Variants in TANC2 observed in about 807,000 individuals in gnomAD.
TANC2 encodes protein TANC2.
In TANC2, 26 loss-of-function variants were observed where a neutral mutation model predicts 210.5. The observed-to-expected ratio is 0.12, with a 90% CI of 0.09 to 0.17. The LOEUF is 0.17. Among genes scored for constraint, TANC2 ranks in the 10% least tolerant of loss-of-function variants. The probability of loss-of-function intolerance (pLI) is 1.00; values close to 1 mark genes in which losing one functional copy is unlikely to be tolerated. For missense variants in TANC2, 2,129 were observed against 2,608.9 expected, an observed-to-expected ratio of 0.82 and a Z score of 4.01; for synonymous variants, 931 against 967.1, an observed-to-expected ratio of 0.96 and a Z score of 0.69.
chr17:63,028,348 A>T (rs2034636318), intron 2 of TANC2, among the ~76,000 whole-genome samples: 2 of 152,120 alleles, frequency 1.3e-5, no homozygotes, highest in South Asian at 4.1e-4. Flanking sequence ...AATTAAATTG[A>T]CATAAGACAG....
intron 4 of TANC2, among the ~76,000 whole-genome samples, chr17:63,113,856 A>G (rs2038148656): frequency 6.6e-6 from 1 of 152,178 alleles, no homozygotes; most frequent in Non-Finnish European, 1.5e-5. Context: ...ATCTGTTTTG[A>G]TGACTTTGTT....
chr17:63,147,556 A>G (rs2039505713), intron 4 of TANC2, among the ~76,000 whole-genome samples: 1 of 152,142 alleles, frequency 6.6e-6, no homozygotes, highest in Non-Finnish European at 1.5e-5. Flanking sequence ...GGCTTGCTGA[A>G]TACAGATTGC....
chr17:63,012,838 G>A (rs1402490715), intron 2 of TANC2, among the ~76,000 whole-genome samples: 1 of 151,904 alleles, frequency 6.6e-6, no homozygotes, highest in African/African-American at 2.4e-5. Context: ...TGTTTTTGTA[G>A]AGATGAGATC....
intron 3 of TANC2, chr17:63,088,627 C>G (rs1054899725): frequency 6.6e-6 from 1 of 152,170 alleles, no homozygotes; most frequent in Non-Finnish European, 1.5e-5. Flanking sequence ...ACTAAAGGTT[C>G]CCACAGTCTT....
chr17:63,161,588 TC>T lies in TANC2; in HGVS notation c.433+10209del, dbSNP rs532099608. ...CTTATTCTTGTTTTCTTCCTAATTC[TC>T]GGGCATCATTTTCATAGTGTATTTT... On this transcript the variant is annotated intron_variant, in intron 5 of 27. Transcript: ENST00000689528. 3.9e-3 allele frequency among the ~76,000 whole-genome samples: 599 copies of T among 152,306 alleles called. 2 individuals are homozygous for T. Among genetic ancestry groups the T allele is most frequent in the Non-Finnish European group, 5.0e-3 (342 of 68,038 alleles).
intron 11 of TANC2, among the ~76,000 whole-genome samples, chr17:63,333,471 C>T: frequency 6.6e-6 from 1 of 152,142 alleles, no homozygotes; most frequent in East Asian, 1.9e-4. Context: ...CTTGATAAAA[C>T]TTGAATGGAT....
At chr17:63,013,469 T>C (rs751261190) in intron 2 of TANC2, among the ~76,000 whole-genome samples, 9 of 152,110 alleles carry the variant, frequency 5.9e-5, no homozygotes, top group Non-Finnish European at 1.3e-4. Flanking sequence ...GAAAAAAATC[T>C]TTATATTCTG....
intron 11 of TANC2, among the ~76,000 whole-genome samples, chr17:63,328,674 GATCAACAACTTC>G (rs1239403890): frequency 2.0e-5 from 3 of 149,078 alleles, no homozygotes; most frequent in Non-Finnish European, 4.4e-5. Flanking sequence ...GATCACAGGT[GATCAACAACTTC>G]TCCCTTGTAC....
At chr17:63,214,629 A>AG (rs1433426186) in intron 7 of TANC2, among the ~76,000 whole-genome samples, 8 of 152,220 alleles carry the variant, frequency 5.3e-5, no homozygotes, top group Non-Finnish European at 1.0e-4. Flanking sequence ...ACATGGCTGA[A>AG]GAGGCAGACA....
intron 3 of TANC2, among the ~76,000 whole-genome samples, chr17:63,087,076 G>A (rs142770637): frequency 3.9e-5 from 6 of 152,278 alleles, no homozygotes; most frequent in African/African-American, 9.6e-5. Flanking sequence ...TCTTGGTTCC[G>A]TGCCACCTTT....
At chr17:63,364,279 C>T (rs754742534) in intron 14 of TANC2, among the ~76,000 whole-genome samples, 1 of 152,178 alleles carries the variant, frequency 6.6e-6, no homozygotes, top group Non-Finnish European at 1.5e-5. Flanking sequence ...GGATCGACAT[C>T]TATTAGTCAA....
At chr17:62,984,481 T>G (rs187290174) in intron 1 of TANC2, among the ~76,000 whole-genome samples, 17 of 152,180 alleles carry the variant, frequency 1.1e-4, no homozygotes, top group African/African-American at 4.1e-4. Flanking sequence ...TCTGATCGTA[T>G]TCTTTCCTTC....
chr17:63,056,515 CA>C (rs1207198318), intron 2 of TANC2, among the ~76,000 whole-genome samples: 1 of 151,876 alleles, frequency 6.6e-6, no homozygotes, highest in Non-Finnish European at 1.5e-5. Flanking sequence ...CGTTCTCTAC[CA>C]AAAAAATTTT....
At chr17:63,140,121 G>GATT (rs1567756937) in intron 4 of TANC2, among the ~76,000 whole-genome samples, 1 of 152,102 alleles carries the variant, frequency 6.6e-6, no homozygotes, top group African/African-American at 2.4e-5. Context: ...ATAACTAGAA[G>GATT]ATTAACTAGA....
intron 2 of TANC2, among the ~76,000 whole-genome samples, chr17:63,060,885 T>C (rs1424967215): frequency 6.6e-6 from 1 of 152,180 alleles, no homozygotes; most frequent in African/African-American, 2.4e-5. Context: ...AATATCTTTT[T>C]CCATTTTATT....
At chr17:63,159,550 A>G (rs1250809837) in intron 5 of TANC2, among the ~76,000 whole-genome samples, 2 of 152,194 alleles carry the variant, frequency 1.3e-5, no homozygotes, top group East Asian at 1.9e-4. Flanking sequence ...TTCTACAGCC[A>G]TAGGTTCAAC....
chr17:63,121,471 G>A (rs904457808), intron 4 of TANC2, among the ~76,000 whole-genome samples: 4 of 151,672 alleles, frequency 2.6e-5, no homozygotes, highest in Admixed American at 6.6e-5. Flanking sequence ...GTGATTTTTG[G>A]ACTTTTCTTT....
intron 4 of TANC2, among the ~76,000 whole-genome samples, chr17:63,105,322 A>G (rs1384192259): frequency 1.3e-5 from 2 of 151,742 alleles, no homozygotes; most frequent in Non-Finnish European, 2.9e-5. Flanking sequence ...GAGCCTGGAT[A>G]TTTTAGATGC....
At chr17:63,353,976 A>T (rs897021431) in intron 13 of TANC2, among the ~76,000 whole-genome samples, 2 of 152,144 alleles carry the variant, frequency 1.3e-5, no homozygotes, top group African/African-American at 4.8e-5. Flanking sequence ...AGAATTATAG[A>T]TAGCGAATAC....
Sources: allele counts gnomAD v4.1 joint callset (sites outside exome capture counted in the v4.1 genomes callset), GRCh38; gene constraint gnomAD v4.1.1; transcripts MANE v1.5; gene names NCBI Gene and HGNC (gene_info 2026-07-23, HGNC 2026-07-21).